Variants in NRXN3 observed in about 807,000 individuals in gnomAD.
NRXN3 encodes neurexin 3.
NRXN3 carries 32 observed loss-of-function variants against 137.6 expected under a neutral mutation model. The ratio of observed to expected loss-of-function variants is 0.23; its 90% confidence interval spans 0.18 to 0.31. The LOEUF is 0.31. Among genes scored for constraint, NRXN3 ranks in the 10% least tolerant of loss-of-function variants. NRXN3 has a pLI of 1.00. For missense variants in NRXN3, 1,574 were observed against 2,062.5 expected (o/e 0.76, Z 4.59); for synonymous variants, 798 against 784.5 (o/e 1.02, Z -0.29).
At chr14:79,084,323 A>T (rs2047656111) in intron 15 of NRXN3, among the ~76,000 whole-genome samples, 1 of 152,206 alleles carries the variant, frequency 6.6e-6, no homozygotes, top group Non-Finnish European at 1.5e-5. Context: ...CACCAGAAGG[A>T]AAAGGAACCC....
At chr14:78,318,970 G>A (rs968690918) in intron 4 of NRXN3, among the ~76,000 whole-genome samples, 2 of 152,190 alleles carry the variant, frequency 1.3e-5, no homozygotes, top group Non-Finnish European at 2.9e-5. Flanking sequence ...GAGGGTTGAG[G>A]TGGAGCCTAA....
chr14:79,381,000 G>C (rs945003541), intron 15 of NRXN3, among the ~76,000 whole-genome samples: 1 of 152,070 alleles, frequency 6.6e-6, no homozygotes, highest in African/African-American at 2.4e-5. Context: ...CCCCACCTTG[G>C]ACAGAGAGAC....
At chr14:79,116,671 T>G (rs775798684) in intron 15 of NRXN3, among the ~76,000 whole-genome samples, 32 of 152,222 alleles carry the variant, frequency 2.1e-4, no homozygotes, top group Admixed American at 4.6e-4. Flanking sequence ...GATGTTTCTC[T>G]GGTGTGTGAA....
intron 15 of NRXN3, among the ~76,000 whole-genome samples, chr14:79,342,736 G>T (rs1377554393): frequency 6.6e-6 from 1 of 152,092 alleles, no homozygotes; most frequent in Non-Finnish European, 1.5e-5. Context: ...GGCTCAAATT[G>T]CTCCAACCAA....
At chr14:79,392,549 A>G (rs1010041990) in intron 15 of NRXN3, among the ~76,000 whole-genome samples, 2 of 152,234 alleles carry the variant, frequency 1.3e-5, no homozygotes, top group African/African-American at 4.8e-5. Flanking sequence ...CTGGTTCTAG[A>G]TCCTTGAAGA....
chr14:79,286,680 T>C (rs1051613867), intron 15 of NRXN3, among the ~76,000 whole-genome samples: 1 of 151,820 alleles, frequency 6.6e-6, no homozygotes, highest in African/African-American at 2.4e-5. Context: ...ATGTTGATAA[T>C]AGATAAATAA....
intron 20 of NRXN3, among the ~76,000 whole-genome samples, chr14:79,857,823 G>T (rs2099406008): frequency 6.6e-6 from 1 of 152,100 alleles, no homozygotes; most frequent in African/African-American, 2.4e-5. Context: ...TGAGAAGCCA[G>T]GAAAGAGGGG....
chr14:78,269,687 A>G (rs2072395188), intron 2 of NRXN3, among the ~76,000 whole-genome samples: 1 of 152,146 alleles, frequency 6.6e-6, no homozygotes, highest in Admixed American at 6.5e-5. Flanking sequence ...TCTTTCCCAC[A>G]CCCCGTATCA....
chr14:79,473,738 C>T (rs1406934127), intron 16 of NRXN3, among the ~76,000 whole-genome samples: 1 of 147,422 alleles, frequency 6.8e-6, no homozygotes, highest in Admixed American at 6.8e-5. Context: ...TATTTCCTTC[C>T]ATCGCTATTT....
intron 4 of NRXN3, among the ~76,000 whole-genome samples, chr14:78,323,365 GA>G (rs1276657406): frequency 6.6e-6 from 1 of 151,892 alleles, no homozygotes; most frequent in Non-Finnish European, 1.5e-5. Context: ...AGAAGCCCTG[GA>G]TTTAAGTCCT....
intron 15 of NRXN3, among the ~76,000 whole-genome samples, chr14:79,208,309 G>T (rs1162039618): frequency 6.6e-6 from 1 of 152,164 alleles, no homozygotes; most frequent in African/African-American, 2.4e-5. Context: ...GCATATCGAG[G>T]TAGGATTAAA....
chr14:78,252,158 T>C (rs1007605389), intron 2 of NRXN3, among the ~76,000 whole-genome samples: 13 of 127,784 alleles, frequency 1.0e-4, no homozygotes, highest in African/African-American at 3.6e-4. Flanking sequence ...AGTTTTTTTC[T>C]TTTTTTTTTT....
At chr14:79,278,288 A>G (rs1277647051) in intron 15 of NRXN3, among the ~76,000 whole-genome samples, 1 of 152,154 alleles carries the variant, frequency 6.6e-6, no homozygotes, top group East Asian at 1.9e-4. Flanking sequence ...GTGGACAACA[A>G]CCTGGCCTGA....
intron 15 of NRXN3, among the ~76,000 whole-genome samples, chr14:79,215,935 G>C (rs1408459388): frequency 6.6e-6 from 1 of 152,154 alleles, no homozygotes; most frequent in Non-Finnish European, 1.5e-5. Flanking sequence ...GTTATCCATT[G>C]CTGTGTCACA....
chr14:79,857,444 G>A (rs1023625167), intron 20 of NRXN3, among the ~76,000 whole-genome samples: 7 of 152,008 alleles, frequency 4.6e-5, no homozygotes, highest in Admixed American at 3.3e-4. Context: ...GGATGGTTTC[G>A]ATCTCCTGAC....
chr14:78,758,270 T>C (rs1209939934), intron 8 of NRXN3, among the ~76,000 whole-genome samples: 1 of 152,226 alleles, frequency 6.6e-6, no homozygotes, highest in African/African-American at 2.4e-5. Flanking sequence ...ATGCAGACAA[T>C]GGGACTACTC....
chr14:78,916,928 C>T (rs1261976287), intron 10 of NRXN3, among the ~76,000 whole-genome samples: 1 of 152,118 alleles, frequency 6.6e-6, no homozygotes, highest in Non-Finnish European at 1.5e-5. Context: ...ACATTGTCTT[C>T]CTGCTGAACA....
chr14:79,704,213 AAT>A (rs2098767134), intron 19 of NRXN3, among the ~76,000 whole-genome samples: 1 of 151,992 alleles, frequency 6.6e-6, no homozygotes, highest in Non-Finnish European at 1.5e-5. Flanking sequence ...AAATATTAGC[AAT>A]ATCACATGGT....
At chr14:79,831,166 G>A (rs1348469559) in intron 20 of NRXN3, among the ~76,000 whole-genome samples, 1 of 152,114 alleles carries the variant, frequency 6.6e-6, no homozygotes, top group Non-Finnish European at 1.5e-5. Flanking sequence ...TAAGAAAAAC[G>A]CTTGCTTTAT....
Sources: gnomAD v4.1 joint callset for allele counts (sites outside exome capture counted in the v4.1 genomes callset) on GRCh38, gnomAD v4.1.1 for gene constraint, MANE v1.5 for transcripts, NCBI Gene and HGNC (gene_info 2026-07-23, HGNC 2026-07-21) for gene names.